Variants in XKR4 observed in about 807,000 individuals in gnomAD.
XKR4 encodes XK-related protein 4.
A neutral mutation model predicts 53.9 loss-of-function variants in XKR4; 12 were observed. That is an observed-to-expected ratio of 0.22 (90% CI 0.14 to 0.36). XKR4 has a LOEUF of 0.36. XKR4 is among the 10% of genes least tolerant of loss of function. The pLI, the probability that XKR4 is intolerant of heterozygous loss-of-function variation, is 1.00. For missense variants in XKR4, 799 were observed against 859.5 expected (o/e 0.93, Z 0.88); for synonymous variants, 354 against 362.4 (o/e 0.98, Z 0.26).
At chr8:55,164,033 G>T (rs538165664) in intron 1 of XKR4, 1 of 339,004 alleles carries the variant, frequency 2.9e-6, no homozygotes, top group South Asian at 2.3e-5. Context: ...CACATCCCTC[G>T]CACACATGCA....
chr8:55,513,318 G>A (rs1378523181), intron 2 of XKR4, among the ~76,000 whole-genome samples: 2 of 152,140 alleles, frequency 1.3e-5, no homozygotes, highest in South Asian at 2.1e-4. Flanking sequence ...TGGCATGTGG[G>A]CCATCGAATT....
chr8:55,201,230 C>A (rs1032961544), intron 1 of XKR4, among the ~76,000 whole-genome samples: 7 of 152,044 alleles, frequency 4.6e-5, no homozygotes, highest in Non-Finnish European at 8.8e-5. Flanking sequence ...ATCTGCAGAG[C>A]CTAGAATAAG....
intron 2 of XKR4, among the ~76,000 whole-genome samples, chr8:55,486,399 A>T (rs1164176787): frequency 6.6e-6 from 1 of 152,244 alleles, no homozygotes; most frequent in Admixed American, 6.5e-5. Context: ...AGGAAGTTTT[A>T]ATGTTCTTAT....
chr8:55,458,521 C>G (rs1805603822), intron 2 of XKR4, among the ~76,000 whole-genome samples: 1 of 152,208 alleles, frequency 6.6e-6, no homozygotes, highest in Non-Finnish European at 1.5e-5. Flanking sequence ...GCACCCACAC[C>G]TGGGACCTTG....
At chr8:55,104,480 C>T (rs577361495) in intron 1 of XKR4, among the ~76,000 whole-genome samples, 1 of 152,242 alleles carries the variant, frequency 6.6e-6, no homozygotes, top group East Asian at 1.9e-4. Context: ...GAGTTCTTGA[C>T]TATGCCGAAG....
chr8:55,297,249 C>T (rs745924017), intron 1 of XKR4, among the ~76,000 whole-genome samples: 17 of 152,076 alleles, frequency 1.1e-4, no homozygotes, highest in African/African-American at 2.4e-4. Context: ...AGACTAGAAA[C>T]GTGAGATTTG....
chr8:55,137,152 T>C (rs1390393772), intron 1 of XKR4, among the ~76,000 whole-genome samples: 1 of 152,036 alleles, frequency 6.6e-6, no homozygotes, highest in African/African-American at 2.4e-5. Context: ...CCTGGGAAGA[T>C]AGCCCAATAA....
At position 55,538,563 on chromosome 8, in the gene XKR4, C is replaced by T. The variant is rs971644404; in HGVS notation, c.*14336C>T. ...AATGAGACAACTCCTTTCATCCAGA[C>T]ATTCAGATGCTTTATATAAGTTGGC... On this transcript the variant is annotated 3_prime_UTR_variant, in exon 3 of 3. Transcript: ENST00000327381. 6.6e-6 allele frequency: 1 copy of T among 152,226 alleles called. No homozygotes were observed. The highest frequency in any genetic ancestry group is 2.4e-5 in the African/African-American group (1 of 41,462). The allele number at this position is 152,226 out of a possible 1,614,324, so 9.4% of individuals were successfully genotyped here.
At chr8:55,314,461 C>T (rs1563322415) in intron 1 of XKR4, among the ~76,000 whole-genome samples, 1 of 152,098 alleles carries the variant, frequency 6.6e-6, no homozygotes. Context: ...GAGAGGCCAC[C>T]ATTTGTCCCG....
intron 1 of XKR4, among the ~76,000 whole-genome samples, chr8:55,351,091 ATGT>A (rs1803717211): frequency 6.6e-6 from 1 of 152,120 alleles, no homozygotes. Context: ...GGTGGTGGTG[ATGT>A]TTGCACAGCA....
Position 55,435,127 on chromosome 8 carries a change from C to A in XKR4, c.1006+77250C>A, listed in dbSNP as rs1342392267. ...GCCCCCACTTGTCTACCAGATTGTGCATGAATACAGCTTTTGTGTCAGCTG... is the reference window on the plus strand; with the variant it reads ...GCCCCCACTTGTCTACCAGATTGTGAATGAATACAGCTTTTGTGTCAGCTG... On this transcript the variant is annotated intron_variant, in intron 2 of 2. Coordinates refer to ENST00000327381, the MANE Select transcript of XKR4 (RefSeq NM_052898.2). Among the ~76,000 whole-genome samples the A allele has an allele frequency of 3.3e-5, 5 of 152,206 alleles. No homozygotes were observed. The East Asian group carries it at 9.6e-4, about 29-fold the overall frequency.
chr8:55,156,668 AT>A (rs1170912686), intron 1 of XKR4, among the ~76,000 whole-genome samples: 2 of 152,236 alleles, frequency 1.3e-5, no homozygotes, highest in East Asian at 3.9e-4. Flanking sequence ...TTTTTCCCCC[AT>A]TGTAAGTCTC....
chr8:55,315,012 T>C (rs1417743961), intron 1 of XKR4, among the ~76,000 whole-genome samples: 1 of 152,184 alleles, frequency 6.6e-6, no homozygotes, highest in Non-Finnish European at 1.5e-5. Context: ...CTAAACTAGG[T>C]GATTTCACGG....
intron 1 of XKR4, among the ~76,000 whole-genome samples, chr8:55,248,020 T>C (rs1258026693): frequency 6.6e-6 from 1 of 151,750 alleles, no homozygotes; most frequent in Non-Finnish European, 1.5e-5. Flanking sequence ...TACACCCAGC[T>C]AATTTTTTGT....
chr8:55,292,855 A>G (rs1173267359), intron 1 of XKR4, among the ~76,000 whole-genome samples: 1 of 152,078 alleles, frequency 6.6e-6, no homozygotes, highest in African/African-American at 2.4e-5. Context: ...AGTTTTGTAT[A>G]TATTTTTTAA....
At chr8:55,248,215 G>A (rs1014621031) in intron 1 of XKR4, among the ~76,000 whole-genome samples, 1 of 151,996 alleles carries the variant, frequency 6.6e-6, no homozygotes, top group Non-Finnish European at 1.5e-5. Flanking sequence ...GCCTCTTCCT[G>A]GAACATTTAT....
chr8:55,363,565 C>T (rs1375467013), intron 2 of XKR4, among the ~76,000 whole-genome samples: 6 of 152,196 alleles, frequency 3.9e-5, no homozygotes, highest in Non-Finnish European at 8.8e-5. Context: ...ACTCTTGAGA[C>T]CTAACACTGG....
intron 2 of XKR4, among the ~76,000 whole-genome samples, chr8:55,482,467 A>T (rs1298810974): frequency 6.6e-6 from 1 of 152,152 alleles, no homozygotes; most frequent in African/African-American, 2.4e-5. Flanking sequence ...TAATGGGTGC[A>T]GCACACCAAC....
intron 2 of XKR4, among the ~76,000 whole-genome samples, chr8:55,470,963 G>A (rs1195088444): frequency 6.6e-6 from 1 of 152,134 alleles, no homozygotes; most frequent in Non-Finnish European, 1.5e-5. Flanking sequence ...TGTAGACAAT[G>A]TGGCACCATC....
Sources: gnomAD v4.1 joint callset for allele counts (sites outside exome capture counted in the v4.1 genomes callset) on GRCh38, gnomAD v4.1.1 for gene constraint, MANE v1.5 for transcripts, NCBI Gene and HGNC (gene_info 2026-07-23, HGNC 2026-07-21) for gene names.